Variants in SREBF2 observed in about 807,000 individuals in gnomAD.
The protein encoded by SREBF2 is sterol regulatory element binding transcription factor 2.
Under a neutral mutation model 113.1 loss-of-function variants are expected in SREBF2, and 55 were observed. The observed-to-expected ratio is 0.49, with a 90% CI of 0.39 to 0.61. The LOEUF is 0.61. Among genes scored for constraint, SREBF2 ranks in the 20% least tolerant of loss-of-function variants. The pLI, the probability that SREBF2 is intolerant of heterozygous loss-of-function variation, is 0.00. For synonymous variants in SREBF2, 593 were observed against 605.7 expected (o/e 0.98, Z 0.31); for missense variants, 1,349 against 1,487.4 (o/e 0.91, Z 1.53).
chr22:41,860,912 A>T (rs941279878), intron 1 of SREBF2, among the ~76,000 whole-genome samples: 3 of 152,154 alleles, frequency 2.0e-5, no homozygotes, highest in Admixed American at 6.5e-5. Context: ...AGGCTGAAAA[A>T]TTTAAAGCAA....
chr22:41,904,699 C>T (rs1354424572), intron 17 of SREBF2, 164 bp from the exon 18 acceptor site: 1 of 721,526 alleles, frequency 1.4e-6, no homozygotes, highest in Admixed American at 2.0e-5. Flanking sequence ...GGCTCAGGGT[C>T]AGAGTACGGG....
chr22:41,869,879 A>G (rs867626908), intron 3 of SREBF2, among the ~76,000 whole-genome samples: 20 of 137,326 alleles, frequency 1.5e-4, no homozygotes, highest in African/African-American at 5.2e-4. Flanking sequence ...TTTTTTTGAG[A>G]GTCTTGCTCT....
intron 5 of SREBF2, among the ~76,000 whole-genome samples, chr22:41,874,404 G>C (rs1474430194): frequency 6.6e-6 from 1 of 151,964 alleles, no homozygotes; most frequent in African/African-American, 2.4e-5. Flanking sequence ...GGAAAAGAAA[G>C]AAAAAAGAGG....
Position 41,906,222 on chromosome 22 carries a change from G to A in SREBF2, c.*562G>A. On this transcript the variant is annotated 3_prime_UTR_variant, in exon 19 of 19. Transcript: ENST00000361204. The stretch of plus-strand genomic sequence containing the variant: ...CTGGGCCTGACTGAGCCTGCTCATT[G>A]TTTTTCCCTTTATTACACAGGACAG... 1 of 339,820 alleles carries A rather than the reference G, an allele frequency of 2.9e-6. No individual in the cohort carries two copies. The highest frequency in any genetic ancestry group is 5.7e-6 in the Non-Finnish European group (1 of 174,514). The allele number at this position is 339,820 out of a possible 1,614,324, so 21.1% of individuals were successfully genotyped here.
intron 16 of SREBF2, 71 bp from the exon 17 acceptor site, chr22:41,902,899 T>A: frequency 6.7e-7 from 1 of 1,500,900 alleles, no homozygotes; most frequent in Non-Finnish European, 9.1e-7. Context: ...AGAGGCCTGG[T>A]AGGTGCTAGG....
chr22:41,864,809 G>T (rs895248932), intron 1 of SREBF2, among the ~76,000 whole-genome samples: 1 of 151,868 alleles, frequency 6.6e-6, no homozygotes, highest in African/African-American at 2.4e-5. Context: ...AAAATTAGCC[G>T]GGCATGGTTG....
chr22:41,893,128 C>G lies in SREBF2; in HGVS notation c.2220C>G (p.Leu740=). 6.2e-7 allele frequency: 1 copy of G among 1,613,688 alleles called. No individual in the cohort carries two copies. Among genetic ancestry groups the G allele is most frequent in the Non-Finnish European group, 8.5e-7 (1 of 1,180,048 alleles). The change falls in exon 12 of 19, where the codon CTC becomes CTG. Residue 740 remains leucine, a synonymous_variant. Transcript: ENST00000361204. Reference sequence around the variant, plus strand: ...TTGTCCTTCCACAGAGCTACTTCCTCAGCCGAGCCCAGAGCCTGTGTGGCC... The same window carrying G: ...TTGTCCTTCCACAGAGCTACTTCCTGAGCCGAGCCCAGAGCCTGTGTGGCC... ...GKLGFLASYF[L]SRAQSLCGPE... is the part of the protein sequence containing the mutation.
intron 1 of SREBF2, among the ~76,000 whole-genome samples, chr22:41,864,294 AAT>A (rs1177526276): frequency 1.1e-4 from 12 of 110,974 alleles, no homozygotes; most frequent in Admixed American, 3.2e-4. Context: ...AAAATATCAA[AAT>A]ATATATATAT....
intron 11 of SREBF2, among the ~76,000 whole-genome samples, chr22:41,887,742 G>A (rs1229341938): frequency 6.6e-6 from 1 of 152,190 alleles, no homozygotes; most frequent in Non-Finnish European, 1.5e-5. Flanking sequence ...CTGGGTCAGA[G>A]GTTGTGCGTA....
chr22:41,851,359 T>TA (rs905023655), intron 1 of SREBF2, among the ~76,000 whole-genome samples: 105 of 148,050 alleles, frequency 7.1e-4, no homozygotes, highest in African/African-American at 1.7e-3. Flanking sequence ...AATTTATGTT[T>TA]AAAAAAAAAA....
At chr22:41,835,756 T>G (rs1284663772) in intron 1 of SREBF2, among the ~76,000 whole-genome samples, 1 of 152,160 alleles carries the variant, frequency 6.6e-6, no homozygotes, top group Non-Finnish European at 1.5e-5. Context: ...GCTTCCCGAG[T>G]AGTTAGGACT....
At chr22:41,894,370 A>G (rs1007308699) in intron 12 of SREBF2, among the ~76,000 whole-genome samples, 1 of 152,236 alleles carries the variant, frequency 6.6e-6, no homozygotes, top group Non-Finnish European at 1.5e-5. Flanking sequence ...GGCACGTTCC[A>G]TGACAAGGCT....
chr22:41,874,924 A>T (rs532162562), intron 5 of SREBF2, among the ~76,000 whole-genome samples: 101 of 152,290 alleles, frequency 6.6e-4, no homozygotes, highest in African/African-American at 2.4e-3. Context: ...AAGAAAAAAA[A>T]AAAGATAACT....
chr22:41,900,068 TAGC>T, intron 15 of SREBF2: 1 of 1,394,334 alleles, frequency 7.2e-7, no homozygotes, highest in Non-Finnish European at 9.3e-7. Context: ...GGTGGCTTCT[TAGC>T]AGCAGACGTG....
At chr22:41,899,247 C>A (rs2077443306) in intron 15 of SREBF2, 22 of 1,078,654 alleles carry the variant, frequency 2.0e-5, no homozygotes, top group Non-Finnish European at 2.3e-5. Context: ...CCACCTCCAC[C>A]CCCACCATCA....
Position 41,873,507 on chromosome 22 carries a change from A to C in SREBF2, c.868-291A>C, listed in dbSNP as rs191366837. 2.2e-3 allele frequency among the ~76,000 whole-genome samples: 333 copies of C among 152,302 alleles called. 2 individuals carry two copies. Among genetic ancestry groups the C allele is most frequent in the African/African-American group, 7.6e-3 (314 of 41,558 alleles). ...ACAGTTTGACAGCAAAGCAGAAATC[A>C]TATGACTTGTTTCTGGCATACGTAG... is the stretch of plus-strand genomic sequence containing the variant. On this transcript the variant is annotated intron_variant, in intron 4 of 18. Transcript: ENST00000361204.
chr22:41,849,797 T>C (rs2076910576), intron 1 of SREBF2, among the ~76,000 whole-genome samples: 1 of 152,276 alleles, frequency 6.6e-6, no homozygotes, highest in East Asian at 1.9e-4. Context: ...ATTACATACA[T>C]GTTCACCCTG....
rs1463381005 is a variant in SREBF2, at chr22:41,833,320, C to T, written c.50C>T (p.Thr17Met). 7 of 1,266,446 alleles carry T rather than the reference C, an allele frequency of 5.5e-6. No individual in the cohort carries two copies. Among genetic ancestry groups the T allele is most frequent in the East Asian group, 6.7e-5 (1 of 14,830 alleles). The allele number at this position is 1,266,446 out of a possible 1,614,324, so 78.5% of individuals were successfully genotyped here. A position where few individuals can be genotyped will look rare whatever the true frequency, so the allele number is the denominator to read the frequency against. Residue 17 changes from threonine (T) to methionine (M), a missense_variant, in exon 1 of 19, where the codon ACG (threonine) becomes ATG (methionine). By Grantham distance (81) the Thr-to-Met change is moderately conservative (BLOSUM62 -1). Transcript: ENST00000361204. The surrounding 1 kb of genome is among the most constrained non-coding windows in gnomAD (Gnocchi z 4.1). ...GGTCTGGAGACCATGGAGACCCTCA[C>T]GGAGCTGGGCGACGAGCTGACCCTG... Reference protein sequence around the residue: ...LGGLETMETLTELGDELTLGD... With the variant: ...LGGLETMETLMELGDELTLGD...
chr22:41,900,149 A>T, intron 15 of SREBF2, 181 bp from the exon 16 acceptor site: 3 of 1,494,168 alleles, frequency 2.0e-6, no homozygotes, highest in Non-Finnish European at 2.7e-6. Flanking sequence ...CGCTAACCCT[A>T]GCTCAGGGCT....
Sources: allele counts gnomAD v4.1 joint callset (sites outside exome capture counted in the v4.1 genomes callset), GRCh38; gene constraint gnomAD v4.1.1; non-coding constraint Gnocchi (gnomAD v3.1); transcripts MANE v1.5; gene names NCBI Gene and HGNC (gene_info 2026-07-23, HGNC 2026-07-21).